Variants in RPTOR observed in about 807,000 individuals in gnomAD.
RPTOR encodes the protein regulatory associated protein of MTOR complex 1.
A neutral mutation model predicts 169.9 loss-of-function variants in RPTOR; 21 were observed. The observed-to-expected ratio is 0.12, with a 90% CI of 0.09 to 0.18. The LOEUF is 0.18. Among genes scored for constraint, RPTOR ranks in the 10% least tolerant of loss-of-function variants. The probability of loss-of-function intolerance (pLI) is 1.00; values close to 1 mark genes in which losing one functional copy is unlikely to be tolerated. For synonymous variants in RPTOR, 732 were observed against 753.2 expected (o/e 0.97, Z 0.46); for missense variants, 1,133 against 1,855.9 (o/e 0.61, Z 7.16).
chr17:80,959,940 A>C lies in RPTOR; in HGVS notation c.3478-138A>C. On this transcript the variant is annotated intron_variant, in intron 29 of 33. Transcript: ENST00000306801. The surrounding 1 kb of genome is among the most constrained non-coding windows in gnomAD (Gnocchi z 6.7). ...CCAGGCCTTTGATGCTTCCCTGGAT[A>C]GAGAGAAAGGCCCCTGCAGCCAGGG... 1.2e-5 allele frequency: 12 copies of C among 985,720 alleles called. No individual in the cohort carries two copies. The highest frequency in any genetic ancestry group is 1.8e-5 in the Non-Finnish European group (12 of 662,658). The allele number at this position is 985,720 out of a possible 1,614,324, so 61.1% of individuals were successfully genotyped here. A position where few individuals can be genotyped will look rare whatever the true frequency, so the allele number is the denominator to read the frequency against.
chr17:80,816,614 A>C (rs1393937518), intron 7 of RPTOR, among the ~76,000 whole-genome samples: 1 of 152,144 alleles, frequency 6.6e-6, no homozygotes, highest in African/African-American at 2.4e-5. Flanking sequence ...CTAAGGGAGG[A>C]GCCGGGTGCC....
rs1238906198 is a variant in RPTOR, at chr17:80,643,820, C to T, written c.348+10C>T. ...GAACTGGCAGCCAAGGGTAAGTGTG[C>T]TTCACTTGCTCTTCCCTTTCCTTCT... On this transcript the variant is annotated intron_variant, in intron 3 of 33. Coordinates refer to ENST00000306801, the MANE Select transcript of RPTOR (RefSeq NM_020761.3). 1.9e-6 allele frequency: 3 copies of T among 1,598,460 alleles called. No homozygotes were observed. The highest frequency in any genetic ancestry group is 2.6e-6 in the Non-Finnish European group (3 of 1,166,636).
intron 6 of RPTOR, among the ~76,000 whole-genome samples, chr17:80,778,179 C>T (rs2066908949): frequency 6.6e-6 from 1 of 152,176 alleles, no homozygotes; most frequent in South Asian, 2.1e-4. Flanking sequence ...TTCTGTGCCG[C>T]AAGGTGCTAG....
At chr17:80,838,785 G>C (rs956872241) in intron 10 of RPTOR, among the ~76,000 whole-genome samples, 2 of 152,222 alleles carry the variant, frequency 1.3e-5, no homozygotes, top group East Asian at 3.9e-4. Flanking sequence ...ACACCACCGT[G>C]TCAGGCTCCA....
intron 13 of RPTOR, among the ~76,000 whole-genome samples, chr17:80,859,685 G>A (rs894465689): frequency 7.9e-5 from 12 of 152,192 alleles, no homozygotes; most frequent in African/African-American, 2.4e-4. Context: ...GCAGGTCCAC[G>A]TTCCCCCCGG....
intron 9 of RPTOR, among the ~76,000 whole-genome samples, chr17:80,831,856 C>A (rs140448335): frequency 1.5e-5 from 1 of 66,154 alleles, no homozygotes; most frequent in South Asian, 5.1e-4. Context: ...CCTGTGTGTG[C>A]CTGTATGTCA....
Position 80,947,983 on chromosome 17 carries a change from G to A in RPTOR, c.3265+632G>A, listed in dbSNP as rs1236980778. On this transcript the variant is annotated intron_variant, in intron 27 of 33. Transcript: ENST00000306801. The surrounding 1 kb of genome is among the most constrained non-coding windows in gnomAD (Gnocchi z 4.4). ...GGAACAATCGTTTGTTTCCATGTCA[G>A]TTACCCCACGTTGACAGTCATTTTC... Among the ~76,000 whole-genome samples, 3 of 152,260 alleles carry A rather than the reference G, an allele frequency of 2.0e-5. No homozygotes were observed. The highest frequency in any genetic ancestry group is 2.9e-5 in the Non-Finnish European group (2 of 68,056).
intron 3 of RPTOR, among the ~76,000 whole-genome samples, chr17:80,671,824 A>T (rs761870280): frequency 3.9e-5 from 6 of 152,126 alleles, no homozygotes; most frequent in Non-Finnish European, 7.3e-5. Context: ...GGGGAAAAGG[A>T]TTGTGGTGTG....
chr17:80,810,092 T>A (rs575529499), intron 7 of RPTOR, among the ~76,000 whole-genome samples: 29 of 148,646 alleles, frequency 2.0e-4, no homozygotes, highest in Admixed American at 7.3e-4. Context: ...AATAAATAAA[T>A]AAAACAGTCT....
chr17:80,634,251 TATGC>T lies in RPTOR; in HGVS notation c.265+8459_265+8462del, dbSNP rs1292193211. Among the ~76,000 whole-genome samples the T allele has an allele frequency of 7.0e-3, 925 of 131,878 alleles. 21 individuals are homozygous for T. The highest frequency in any genetic ancestry group is 0.032 in the African/African-American group (859 of 26,502). The allele number at this position is 131,878 out of a possible 152,430, so 86.5% of individuals were successfully genotyped here. Reference sequence around the variant, plus strand: ...GTGTACTGTGTGTGCGTGCATACTGTATGCGTGCATACCGTGTGTGTGCGTACTG... The same window carrying T: ...GTGTACTGTGTGTGCGTGCATACTGTGTGCATACCGTGTGTGTGCGTACTG... On this transcript the variant is annotated intron_variant, in intron 2 of 33. Transcript: ENST00000306801.
At chr17:80,951,795 C>A (rs1286826265) in intron 28 of RPTOR, among the ~76,000 whole-genome samples, 1 of 152,186 alleles carries the variant, frequency 6.6e-6, no homozygotes, top group East Asian at 1.9e-4. Flanking sequence ...CACCTGAGGC[C>A]CAGGGTCGGG....
chr17:80,903,723 G>C (rs76894833), intron 20 of RPTOR, among the ~76,000 whole-genome samples: 4,571 of 152,220 alleles, frequency 0.03, 207 homozygotes, highest in African/African-American at 0.1. Flanking sequence ...CCCGCGTGCA[G>C]CTCCAGAGAC....
At chr17:80,723,068 G>C (rs544293757) in intron 4 of RPTOR, among the ~76,000 whole-genome samples, 1 of 151,374 alleles carries the variant, frequency 6.6e-6, no homozygotes, top group East Asian at 1.9e-4. Context: ...CAAAGTTTTG[G>C]GAAGAATAAT....
intron 5 of RPTOR, chr17:80,743,247 A>C: frequency 1.0e-6 from 1 of 985,472 alleles, no homozygotes; most frequent in Non-Finnish European, 1.2e-6. Context: ...AGAAGTAAGC[A>C]GAAACACAGC....
chr17:80,908,789 A>G (rs1242654626), intron 20 of RPTOR, 22 bp from the exon 21 acceptor site: 3 of 1,574,258 alleles, frequency 1.9e-6, no homozygotes, highest in South Asian at 1.1e-5. Context: ...CCACTAAAAC[A>G]TCTTCCATTT....
At chr17:80,599,185 T>C (rs550327733) in intron 1 of RPTOR, among the ~76,000 whole-genome samples, 2 of 152,186 alleles carry the variant, frequency 1.3e-5, no homozygotes, top group South Asian at 4.1e-4. Context: ...TATAAAAGGC[T>C]CTCCCCTGGA....
chr17:80,894,342 G>T (rs1420625183), intron 20 of RPTOR, among the ~76,000 whole-genome samples: 1 of 152,202 alleles, frequency 6.6e-6, no homozygotes, highest in African/African-American at 2.4e-5. Flanking sequence ...CACAGTGTCC[G>T]CAGTGAGAGG....
chr17:80,871,358 C>T (rs997698906), intron 13 of RPTOR, among the ~76,000 whole-genome samples: 4 of 152,198 alleles, frequency 2.6e-5, no homozygotes, highest in Middle Eastern at 3.2e-3. Flanking sequence ...AGCCACCGCT[C>T]CCGGCCATGC....
At chr17:80,848,262 A>G (rs1342871904) in intron 11 of RPTOR, among the ~76,000 whole-genome samples, 1 of 152,268 alleles carries the variant, frequency 6.6e-6, no homozygotes, top group African/African-American at 2.4e-5. Flanking sequence ...CCTGAGCCAC[A>G]TAGGGAGACT....
Sources: gnomAD v4.1 joint callset for allele counts (sites outside exome capture counted in the v4.1 genomes callset) on GRCh38, gnomAD v4.1.1 for gene constraint, Gnocchi (gnomAD v3.1) non-coding constraint, MANE v1.5 for transcripts, NCBI Gene and HGNC (gene_info 2026-07-23, HGNC 2026-07-21) for gene names.